SPOPL: variants seen among roughly 807,000 people sequenced by gnomAD.
The protein encoded by SPOPL is speckle type BTB/POZ protein like.
In SPOPL, 23 loss-of-function variants were observed where a neutral mutation model predicts 53.8. The ratio of observed to expected loss-of-function variants is 0.43; its 90% CI spans 0.31 to 0.61. The LOEUF (loss-of-function observed/expected upper bound fraction) is 0.61, where lower values mean the gene tolerates loss of function less well. SPOPL is among the 20% of genes least tolerant of loss of function. The probability of loss-of-function intolerance (pLI) is 0.12; values close to 1 mark genes in which losing one functional copy is unlikely to be tolerated. For synonymous variants in SPOPL, 164 were observed against 149.7 expected, an observed-to-expected ratio of 1.10 and a Z score of -0.70; for missense variants, 442 against 466.9, an observed-to-expected ratio of 0.95 and a Z score of 0.49.
intron 1 of SPOPL, among the ~76,000 whole-genome samples, chr2:138,538,250 C>T (rs1684980513): frequency 6.6e-6 from 1 of 152,096 alleles, no homozygotes; most frequent in Admixed American, 6.6e-5. Context: ...TTCAAGTCTT[C>T]TATCTCTTTA....
chr2:138,513,739 C>CAAAA (rs33913820), intron 1 of SPOPL, among the ~76,000 whole-genome samples: 1 of 112,644 alleles, frequency 8.9e-6, no homozygotes, highest in Non-Finnish European at 2.0e-5. Flanking sequence ...GACCTTACCT[C>CAAAA]AAAAAAAAAA....
intron 1 of SPOPL, among the ~76,000 whole-genome samples, chr2:138,549,234 A>T (rs747626991): frequency 1.3e-5 from 2 of 152,054 alleles, no homozygotes; most frequent in Non-Finnish European, 2.9e-5. Flanking sequence ...ATATATGTTT[A>T]TACTTGTCAT....
In SPOPL at chr2:138,564,763, CAGT is replaced by C; in HGVS notation, c.896_898del (p.Val299del). The C allele has an allele frequency of 6.2e-7, 1 of 1,614,168 alleles. No individual in the cohort carries two copies. The highest frequency in any genetic ancestry group is 8.5e-7 in the Non-Finnish European group (1 of 1,180,014). On this transcript the variant is annotated inframe_deletion, in exon 9 of 11. Transcript: ENST00000280098. The stretch of plus-strand genomic sequence containing the variant: ...GAAGAAGCTTTGTGTAGTAACCTCT[CAGT>C]AGAGAATGTTGCAGATACCCTTGTC...
At chr2:138,537,911 C>G (rs1031092523) in intron 1 of SPOPL, among the ~76,000 whole-genome samples, 1 of 152,148 alleles carries the variant, frequency 6.6e-6, no homozygotes, top group Non-Finnish European at 1.5e-5. Context: ...CAAGTTGTCA[C>G]GCTGAAAGTT....
intron 1 of SPOPL, among the ~76,000 whole-genome samples, chr2:138,523,301 C>T (rs906813159): frequency 5.9e-5 from 9 of 152,230 alleles, no homozygotes; most frequent in Admixed American, 1.3e-4. Context: ...AAGAACATCA[C>T]GAAAAACACC....
rs541255852 is a variant in SPOPL, at chr2:138,547,114, C to T, written c.-60-3043C>T. 6.6e-5 allele frequency among the ~76,000 whole-genome samples: 10 copies of T among 152,062 alleles called. No homozygotes were observed. In the East Asian group the frequency reaches 1.4e-3, roughly 21 times the overall value. On this transcript the variant is annotated intron_variant, in intron 1 of 10. Transcript: ENST00000280098. ...CGGAGTAGCTGGCATTATAGGCGCC[C>T]GCCCCCATGCCTGGCTTATTTTTGT...
chr2:138,510,739 G>GT (rs977127907), intron 1 of SPOPL, among the ~76,000 whole-genome samples: 1 of 152,070 alleles, frequency 6.6e-6, no homozygotes, highest in Non-Finnish European at 1.5e-5. Context: ...GTCTCAAGGT[G>GT]TTTTTTCAGC....
chr2:138,556,399 A>G (rs574414837), intron 5 of SPOPL, among the ~76,000 whole-genome samples: 1 of 152,324 alleles, frequency 6.6e-6, no homozygotes, highest in South Asian at 2.1e-4. Context: ...CATTTCTGAA[A>G]TTAAATACAT....
Position 138,569,313 on chromosome 2 carries a change from T to G in SPOPL, c.*233T>G, listed in dbSNP as rs1685730910. On this transcript the variant is annotated 3_prime_UTR_variant, in exon 11 of 11. Coordinates refer to ENST00000280098, the MANE Select transcript of SPOPL (RefSeq NM_001001664.3). Reference sequence around the variant, plus strand: ...TTAAATTATCTTCAATGACTTGTCTTGTTCATATAATACTTTAATTTTTTT... The same window carrying G: ...TTAAATTATCTTCAATGACTTGTCTGGTTCATATAATACTTTAATTTTTTT... 2 of 432,894 alleles carry G rather than the reference T, an allele frequency of 4.6e-6. No homozygotes were observed. Among genetic ancestry groups the G allele is most frequent in the Non-Finnish European group, 8.2e-6 (2 of 245,294 alleles). The allele number at this position is 432,894 out of a possible 1,614,324, so 26.8% of individuals were successfully genotyped here.
At chr2:138,535,216 T>C (rs1282762540) in intron 1 of SPOPL, among the ~76,000 whole-genome samples, 2 of 152,216 alleles carry the variant, frequency 1.3e-5, no homozygotes, top group African/African-American at 4.8e-5. Context: ...TTTTAAAAAT[T>C]CATTTATTGC....
chr2:138,510,274 T>C (rs766754134), intron 1 of SPOPL, among the ~76,000 whole-genome samples: 2 of 152,232 alleles, frequency 1.3e-5, no homozygotes, highest in Non-Finnish European at 2.9e-5. Flanking sequence ...AGAGTACGTT[T>C]AGTTTTGTAG....
intron 1 of SPOPL, among the ~76,000 whole-genome samples, chr2:138,531,821 C>T (rs1016906482): frequency 2.6e-5 from 4 of 151,820 alleles, no homozygotes; most frequent in Non-Finnish European, 5.9e-5. Context: ...TATTCATAAG[C>T]GTCTGTTTTT....
intron 1 of SPOPL, among the ~76,000 whole-genome samples, chr2:138,516,773 A>T (rs1684446857): frequency 6.6e-6 from 1 of 152,244 alleles, no homozygotes; most frequent in Non-Finnish European, 1.5e-5. Flanking sequence ...TGGAAACAAC[A>T]TCAGGGAGTT....
intron 1 of SPOPL, among the ~76,000 whole-genome samples, chr2:138,540,805 A>G (rs1685054816): frequency 6.6e-6 from 1 of 152,206 alleles, no homozygotes; most frequent in Non-Finnish European, 1.5e-5. Context: ...GAGGGAGGCC[A>G]TCCCTGTCTT....
intron 8 of SPOPL, among the ~76,000 whole-genome samples, chr2:138,561,219 T>A (rs1685541052): frequency 6.6e-6 from 1 of 152,156 alleles, no homozygotes; most frequent in Non-Finnish European, 1.5e-5. Flanking sequence ...CAGTGACATA[T>A]ATAATTTTCA....
chr2:138,533,018 C>T (rs79005798), intron 1 of SPOPL, among the ~76,000 whole-genome samples: 117 of 152,220 alleles, frequency 7.7e-4, no homozygotes, highest in African/African-American at 2.4e-3. Context: ...GCTTATCTCC[C>T]CTGCCCATCT....
At chr2:138,553,902 G>A (rs1685365673) in intron 5 of SPOPL, among the ~76,000 whole-genome samples, 1 of 152,000 alleles carries the variant, frequency 6.6e-6, no homozygotes, top group South Asian at 2.1e-4. Flanking sequence ...CCTTACTGTA[G>A]AGTCTTCCAG....
At chr2:138,528,798 A>G (rs2104871167) in intron 1 of SPOPL, among the ~76,000 whole-genome samples, 1 of 152,322 alleles carries the variant, frequency 6.6e-6, no homozygotes, top group Admixed American at 6.5e-5. Flanking sequence ...TTGGACTCAA[A>G]TCCAGTCAAG....
chr2:138,555,781 G>A (rs897676811), intron 5 of SPOPL, among the ~76,000 whole-genome samples: 1 of 152,096 alleles, frequency 6.6e-6, no homozygotes, highest in Non-Finnish European at 1.5e-5. Context: ...TCTAAACTAT[G>A]TTCTCTGAGT....
Sources: gnomAD v4.1 joint callset for allele counts (sites outside exome capture counted in the v4.1 genomes callset) on GRCh38, gnomAD v4.1.1 for gene constraint, MANE v1.5 for transcripts, NCBI Gene and HGNC (gene_info 2026-07-23, HGNC 2026-07-21) for gene names.